The following PARP14 variants were observed in gnomAD, a reference collection of about 807,000 sequenced individuals.
The protein encoded by PARP14 is poly(ADP-ribose) polymerase family member 14, also known as protein mono-ADP-ribosyltransferase PARP14.
A neutral mutation model predicts 154.2 loss-of-function variants in PARP14; 59 were observed. The ratio of observed to expected loss-of-function variants is 0.38; its 90% CI spans 0.31 to 0.48. PARP14 has a LOEUF of 0.48. Among genes scored for constraint, PARP14 ranks in the 20% least tolerant of loss-of-function variants. PARP14 has a pLI of 0.98. For missense variants in PARP14, 1,734 were observed against 2,131.6 expected (o/e 0.81, Z 3.67); for synonymous variants, 720 against 780.5 (o/e 0.92, Z 1.29).
chr3:122,708,473 T>C (rs1308958904), intron 9 of PARP14, among the ~76,000 whole-genome samples: 2 of 152,348 alleles, frequency 1.3e-5, no homozygotes, highest in Middle Eastern at 3.4e-3. Flanking sequence ...GGCCAAGTTA[T>C]GTAATCTGTA....
rs1938750214 is a variant in PARP14, at chr3:122,695,680, G to A, written c.835+18G>A. ...CAGAAAAGGTAATATTTATTAACCTGTCATACCTGGCATAATCTAGGCCAT... is the reference window on the plus strand; with the variant it reads ...CAGAAAAGGTAATATTTATTAACCTATCATACCTGGCATAATCTAGGCCAT... On this transcript the variant is annotated intron_variant, in intron 5 of 16. Coordinates refer to ENST00000474629, the MANE Select transcript of PARP14 (RefSeq NM_017554.3). The A allele has an allele frequency of 8.5e-7, 1 of 1,169,884 alleles. No individual in the cohort carries two copies. The highest frequency in any genetic ancestry group is 1.3e-6 in the Non-Finnish European group (1 of 788,116). 72.5% of individuals were successfully genotyped at this position (1,169,884 alleles called of 1,614,324 possible). A position where few individuals can be genotyped will look rare whatever the true frequency, so the allele number is the denominator to read the frequency against.
rs1254750096 is a variant in PARP14 at position 122,704,685 on chromosome 3, T to A, written c.3477T>A (p.Asn1159Lys). ...ISEVFKFSSK[N>K]QLKTLQEVHF... ...AGGTGTTCAAATTTAGTAGCAAGAA[T>A]CAGCTGAAAACTTTACAAGAGGTTC... is the stretch of plus-strand genomic sequence containing the variant. The change falls in exon 8 of 17, where the codon AAT becomes AAA. Residue 1159 changes from asparagine to lysine, a missense_variant. Asn to Lys is a moderately conservative substitution (Grantham distance 94). Coordinates refer to ENST00000474629, the MANE Select transcript of PARP14 (RefSeq NM_017554.3). The A allele has an allele frequency of 3.1e-6, 5 of 1,607,790 alleles. No individual in the cohort carries two copies. Among genetic ancestry groups the A allele is most frequent in the Admixed American group, 1.7e-5 (1 of 59,270 alleles).
intron 10 of PARP14, 136 bp downstream of exon 10, chr3:122,713,709 A>G (rs1939394334): frequency 4.4e-6 from 4 of 906,582 alleles, no homozygotes; most frequent in Non-Finnish European, 6.8e-6. Flanking sequence ...GTTTTCCATA[A>G]TTAATAATGT....
chr3:122,685,298 G>A lies in PARP14; in HGVS notation c.301G>A (p.Glu101Lys). 6.2e-7 allele frequency: 1 copy of A among 1,613,754 alleles called. No homozygotes were observed. Among genetic ancestry groups the A allele is most frequent in the Non-Finnish European group, 8.5e-7 (1 of 1,179,824 alleles). Reference sequence around the variant, plus strand: ...CCCAGATGAAATCGATCATGTCTTTGAAGAGGAACTTCTAACAAAAGCAAG... The same window carrying A: ...CCCAGATGAAATCGATCATGTCTTTAAAGAGGAACTTCTAACAAAAGCAAG... ...ATPDEIDHVF[E>K]EELLTKESKT... The change falls in exon 2 of 17, where the codon GAA (glutamate) becomes AAA (lysine). Residue 101 changes from glutamate to lysine, a missense_variant. By Grantham distance (56) the Glu-to-Lys change is moderately conservative. Coordinates refer to ENST00000474629, the MANE Select transcript of PARP14 (RefSeq NM_017554.3).
chr3:122,692,836 A>G (rs1050879884), intron 4 of PARP14, among the ~76,000 whole-genome samples: 1 of 152,138 alleles, frequency 6.6e-6, no homozygotes, highest in Non-Finnish European at 1.5e-5. Context: ...AACACAGCAA[A>G]TAGACATCTG....
intron 4 of PARP14, among the ~76,000 whole-genome samples, chr3:122,694,111 G>T (rs1326641552): frequency 2.0e-5 from 3 of 152,150 alleles, no homozygotes; most frequent in Admixed American, 6.5e-5. Flanking sequence ...GGTCAGGGAG[G>T]AAGCCCATAT....
chr3:122,718,925 A>G lies in PARP14; in HGVS notation c.4774A>G (p.Ser1592Gly), dbSNP rs961754802. The stretch of plus-strand genomic sequence containing the variant: ...CACTGCCACAGACACAAAGGGCCAC[A>G]GTTTATCTGTTCAGCGCCTCACGAA... ...TYTATDTKGH[S>G]LSVQRLTKSK... Residue 1592 changes from serine to glycine, a missense_variant, in exon 14 of 17, where the codon AGT (serine) becomes GGT (glycine). Physicochemically the swap from Ser to Gly is moderately conservative, Grantham distance 56 (BLOSUM62 0). This residue lies in a region of PARP14 where 1,646 missense variants were observed against 1,976.0 expected (regional missense o/e 0.83). Transcript: ENST00000474629. 1.2e-6 allele frequency: 2 copies of G among 1,610,460 alleles called. No individual in the cohort carries two copies. Among genetic ancestry groups the G allele is most frequent in the South Asian group, 2.2e-5 (2 of 90,450 alleles).
intron 9 of PARP14, among the ~76,000 whole-genome samples, chr3:122,708,489 G>A (rs1442168823): frequency 6.6e-6 from 1 of 152,124 alleles, no homozygotes; most frequent in African/African-American, 2.4e-5. Context: ...CTGTATAATG[G>A]GTTTTAAGTA....
rs1158171376 is a variant in PARP14, at chr3:122,701,482, T to C, written c.2928T>C (p.Thr976=). Residue 976 remains threonine, a synonymous_variant, in exon 6 of 17, where the codon ACT becomes ACC. Coordinates refer to ENST00000474629, the MANE Select transcript of PARP14 (RefSeq NM_017554.3). The surrounding 1 kb of genome is among the most constrained non-coding windows in gnomAD (Gnocchi z 4.0). ...AGGCCTTTGCAGAAGCTGTGAAAAC[T>C]GTATTTAAAGCCACCCTGCCAGATA... is the stretch of plus-strand genomic sequence containing the variant. ...TVEAFAEAVK[T]VFKATLPDTA... 3 of 1,613,942 alleles carry C rather than the reference T, an allele frequency of 1.9e-6. No individual in the cohort carries two copies. Among genetic ancestry groups the C allele is most frequent in the Non-Finnish European group, 2.5e-6 (3 of 1,179,862 alleles).
chr3:122,699,164 A>G (rs945559046), intron 5 of PARP14, among the ~76,000 whole-genome samples: 2 of 152,220 alleles, frequency 1.3e-5, no homozygotes, highest in African/African-American at 4.8e-5. Flanking sequence ...AATACGCTGT[A>G]ACATCAAAAT....
chr3:122,727,574 T>A (rs943262196), intron 15 of PARP14, among the ~76,000 whole-genome samples: 13 of 152,154 alleles, frequency 8.5e-5, no homozygotes, highest in Non-Finnish European at 1.9e-4. Context: ...TCCTAAACCT[T>A]GTTTGATCTC....
intron 12 of PARP14, among the ~76,000 whole-genome samples, chr3:122,715,571 T>C (rs1331047030): frequency 2.0e-5 from 3 of 152,084 alleles, no homozygotes; most frequent in African/African-American, 7.2e-5. Flanking sequence ...TTAGCCAACA[T>C]TTCTCCTATC....
chr3:122,718,405 G>T lies in PARP14; in HGVS notation c.4254G>T (p.Leu1418Phe). The T allele has an allele frequency of 6.2e-7, 1 of 1,612,836 alleles. No individual in the cohort carries two copies. Among genetic ancestry groups the T allele is most frequent in the Non-Finnish European group, 8.5e-7 (1 of 1,179,586 alleles). The change falls in exon 14 of 17, where the codon TTG (leucine) becomes TTT (phenylalanine). Residue 1418 changes from leucine (L) to phenylalanine (F), a missense_variant. By Grantham distance (22) the Leu-to-Phe change is conservative. Around this residue, in one of 2 missense-constraint regions of PARP14, gnomAD observed 1,646 missense variants for 1,976.0 expected, o/e 0.83. Transcript: ENST00000474629. ...SKQSPQKKNH[L>F]VLEKKTESAT... ...AATCTCCCCAAAAAAAGAATCATTT[G>T]GTTTTGGAAAAGAAAACAGAATCAG...
At chr3:122,720,512 G>A (rs768929106) in intron 15 of PARP14, 124 bp downstream of exon 15, 10 of 870,940 alleles carry the variant, frequency 1.1e-5, no homozygotes, top group South Asian at 1.1e-4. Context: ...GAATTTGTAT[G>A]GTAATTAGTA....
rs527455726 is a variant in PARP14 at position 122,724,230 on chromosome 3, A to G, written c.4942-3582A>G. Among the ~76,000 whole-genome samples the G allele has an allele frequency of 3.3e-5, 5 of 152,152 alleles. No individual in the cohort carries two copies. In the East Asian group the frequency reaches 5.8e-4, roughly 18 times the overall value. ...TCGTGTGTTGCGTGTGTTCACTGCT[A>G]TTGAGGTGTTGCTGTTTCCAGGGTC... is the stretch of plus-strand genomic sequence containing the variant. On this transcript the variant is annotated intron_variant, in intron 15 of 16. Transcript: ENST00000474629.
chr3:122,699,272 CCTTT>C, intron 5 of PARP14, 114 bp from the exon 6 acceptor site: 1 of 576,496 alleles, frequency 1.7e-6, no homozygotes, highest in Non-Finnish European at 3.0e-6. Flanking sequence ...TTATTTCTTT[CCTTT>C]AAGTGTTAGA....
intron 15 of PARP14, chr3:122,720,772 G>A (rs1244862375): frequency 8.7e-6 from 4 of 458,662 alleles, no homozygotes; most frequent in African/African-American, 2.0e-5. Context: ...GATCAACAGT[G>A]CTTCCTTGAT....
chr3:122,709,892 GTTTT>G (rs146839683), intron 9 of PARP14, among the ~76,000 whole-genome samples: 1 of 145,634 alleles, frequency 6.9e-6, no homozygotes. Context: ...GGGATTATTT[GTTTT>G]TTTTTTTGTT....
At position 122,713,546 on chromosome 3, in the gene PARP14, A is replaced by G. The variant is rs759852435; in HGVS notation, c.3742A>G (p.Thr1248Ala). 1 of 1,613,760 alleles carries G rather than the reference A, an allele frequency of 6.2e-7. No homozygotes were observed. Among genetic ancestry groups the G allele is most frequent in the East Asian group, 2.2e-5 (1 of 44,880 alleles). The change falls in exon 10 of 17, where the codon ACA (threonine) becomes GCA (alanine). Residue 1248 changes from threonine to alanine, a missense_variant. Transcript: ENST00000474629. ...AGAGGCAGATGTGATTGTAAATTCAACATCAAACTCATTCAATCTCAAAGC... is the reference window on the plus strand; with the variant it reads ...AGAGGCAGATGTGATTGTAAATTCAGCATCAAACTCATTCAATCTCAAAGC... ...KEEADVIVNSTSNSFNLKAGV... is the reference protein window; with the variant it reads ...KEEADVIVNSASNSFNLKAGV...
Sources: gnomAD v4.1 joint callset for allele counts (sites outside exome capture counted in the v4.1 genomes callset) on GRCh38, gnomAD v4.1.1 for gene constraint, gnomAD v4.1.1 regional missense constraint, Gnocchi (gnomAD v3.1) non-coding constraint, MANE v1.5 for transcripts, NCBI Gene and HGNC (gene_info 2026-07-23, HGNC 2026-07-21) for gene names.